CCNE2: variants seen among roughly 807,000 people sequenced by gnomAD.
CCNE2 encodes G1/S-specific cyclin-E2.
CCNE2 carries 18 observed loss-of-function variants against 56.8 expected under a neutral mutation model. The observed-to-expected ratio is 0.32, with a 90% CI of 0.22 to 0.47. The LOEUF is 0.47. Among genes scored for constraint, CCNE2 ranks in the 20% least tolerant of loss-of-function variants. CCNE2 has a pLI of 1.00. For missense variants in CCNE2, 371 were observed against 467.1 expected (o/e 0.79, Z 1.90); for synonymous variants, 139 against 149.2 (o/e 0.93, Z 0.50).
chr8:94,882,667 AT>A (rs918433569), intron 10 of CCNE2, 113 bp downstream of exon 10: 3,807 of 650,816 alleles, frequency 5.8e-3, no homozygotes, highest in South Asian at 7.7e-3. Context: ...TGAACAGCTA[AT>A]TTTTTTTTTG....
At chr8:94,894,520 C>A (rs569840406) in intron 1 of CCNE2, 19 of 429,780 alleles carry the variant, frequency 4.4e-5, no homozygotes, top group Non-Finnish European at 7.5e-5. Flanking sequence ...GGAGGCACAT[C>A]TTCCTCAAAC....
chr8:94,892,851 A>G lies in CCNE2; in HGVS notation c.284T>C (p.Leu95Pro), dbSNP rs995226584. ...SRFTNYRFKNLFINPSPLPDL... is the reference protein window; with the variant it reads ...SRFTNYRFKNPFINPSPLPDL... ...AGGCAAAGGTGAAGGATTAATAAAA[A>G]GATTTTTAAATCTGTAATTTGTAAA... The change falls in exon 5 of 12, where the codon CTT becomes CCT. Residue 95 changes from leucine to proline, a missense_variant. Leu to Pro is a moderately conservative substitution (Grantham distance 98, BLOSUM62 -3). Transcript: ENST00000308108. 6 of 1,477,294 alleles carry G rather than the reference A, an allele frequency of 4.1e-6. No homozygotes were observed. The highest frequency in any genetic ancestry group is 5.5e-6 in the Non-Finnish European group (6 of 1,099,086). The allele number at this position is 1,477,294 out of a possible 1,614,324, so 91.5% of individuals were successfully genotyped here. A position where few individuals can be genotyped will look rare whatever the true frequency, so the allele number is the denominator to read the frequency against.
upstream of CCNE2, among the ~76,000 whole-genome samples, chr8:94,895,443 T>C (rs1289619344): frequency 2.0e-5 from 3 of 152,142 alleles, no homozygotes; most frequent in Admixed American, 1.3e-4. Flanking sequence ...GTAGGGAAAC[T>C]CTCAGGGGCT....
At chr8:94,890,317 TG>T (rs1456820653) in intron 6 of CCNE2, 97 bp downstream of exon 6, 1 of 1,006,584 alleles carries the variant, frequency 9.9e-7, no homozygotes, top group African/African-American at 1.7e-5. Flanking sequence ...TTCCTGGGGA[TG>T]AACAATAAAC....
intron 5 of CCNE2, among the ~76,000 whole-genome samples, chr8:94,890,814 G>A (rs943791926): frequency 2.0e-5 from 3 of 151,774 alleles, no homozygotes; most frequent in Non-Finnish European, 4.4e-5. Context: ...GGCTAGTCTC[G>A]AACTCCTGGC....
intron 4 of CCNE2, 51 bp from the exon 5 acceptor site, chr8:94,893,020 T>C (rs1817301456): frequency 7.2e-7 from 1 of 1,394,474 alleles, no homozygotes; most frequent in African/African-American, 1.5e-5. Context: ...AAACCTTAGT[T>C]TTTGTAATGG....
Position 94,882,205 on chromosome 8 carries a change from A to G in CCNE2, c.1028T>C (p.Leu343Pro). The change falls in exon 11 of 12, where the codon CTG becomes CCG. Residue 343 changes from leucine to proline, a missense_variant. By Grantham distance (98) the Leu-to-Pro change is moderately conservative. Coordinates refer to ENST00000308108, the MANE Select transcript of CCNE2 (RefSeq NM_057749.3). ...CATAGGAATCTTCTTAAAAGTCTTC[A>G]GCTTCACTGGACTAGTACTTTTTAC... ...NVVKSTSPVK[L>P]KTFKKIPMED... The G allele has an allele frequency of 6.2e-7, 1 of 1,613,412 alleles. No individual in the cohort carries two copies. Among genetic ancestry groups the G allele is most frequent in the Non-Finnish European group, 8.5e-7 (1 of 1,179,634 alleles).
intron 4 of CCNE2, 130 bp from the exon 5 acceptor site, chr8:94,893,099 C>T (rs1194888521): frequency 1.5e-6 from 1 of 645,936 alleles, no homozygotes; most frequent in Non-Finnish European, 2.5e-6. Flanking sequence ...GGCAATATAG[C>T]TAATTTGACA....
chr8:94,883,042 G>A (rs369358124), intron 9 of CCNE2, 150 bp from the exon 10 acceptor site: 10 of 490,672 alleles, frequency 2.0e-5, no homozygotes, highest in African/African-American at 6.0e-5. Context: ...TTGGGAGGCC[G>A]AGGCGGGTGG....
intron 11 of CCNE2, 156 bp from the exon 12 acceptor site, chr8:94,881,901 A>G (rs1023132758): frequency 1.3e-4 from 124 of 951,846 alleles, no homozygotes; most frequent in Non-Finnish European, 1.7e-4. Flanking sequence ...GTAACGTTAT[A>G]TATTTTTTAA....
intron 7 of CCNE2, among the ~76,000 whole-genome samples, chr8:94,887,447 G>A (rs1185754552): frequency 1.3e-5 from 2 of 152,090 alleles, no homozygotes; most frequent in Non-Finnish European, 2.9e-5. Context: ...GGAGGTTGCA[G>A]AGAGCCAAGA....
In CCNE2 at chr8:94,880,451, T is replaced by G; in HGVS notation, c.*1181A>C. 1 of 332,626 alleles carries G rather than the reference T, an allele frequency of 3.0e-6. No homozygotes were observed. The allele number at this position is 332,626 out of a possible 1,614,324, so 20.6% of individuals were successfully genotyped here. On this transcript the variant is annotated 3_prime_UTR_variant, in exon 12 of 12. Transcript: ENST00000308108. Reference sequence around the variant, plus strand: ...TCTTCAAAGGGAGAAGAGATTCACATATCTGATAACAAAATAAACTAGCAA... The same window carrying G: ...TCTTCAAAGGGAGAAGAGATTCACAGATCTGATAACAAAATAAACTAGCAA...
At position 94,881,189 on chromosome 8, in the gene CCNE2, A is replaced by G; in HGVS notation, c.*443T>C. The G allele has an allele frequency of 2.6e-6, 1 of 379,904 alleles. No individual in the cohort carries two copies. 23.5% of individuals were successfully genotyped at this position (379,904 alleles called of 1,614,324 possible). A position where few individuals can be genotyped will look rare whatever the true frequency, so the allele number is the denominator to read the frequency against. ...ATTTAATTTTCAAGAACCAAATTGC[A>G]CTAGTCAAGAGTGTAGGAATTTTGA... On this transcript the variant is annotated 3_prime_UTR_variant, in exon 12 of 12. Transcript: ENST00000308108.
intron 4 of CCNE2, 80 bp from the exon 5 acceptor site, chr8:94,893,049 C>G (rs1817302347): frequency 9.2e-7 from 1 of 1,081,384 alleles, no homozygotes; most frequent in African/African-American, 1.7e-5. Flanking sequence ...TAAATGAAAG[C>G]TAATATGTCT....
Position 94,885,049 on chromosome 8 carries a change from C to T in CCNE2, c.831+18G>A, listed in dbSNP as rs991876511. On this transcript the variant is annotated intron_variant, in intron 9 of 11. Coordinates refer to ENST00000308108, the MANE Select transcript of CCNE2 (RefSeq NM_057749.3). ...GTAATTAATAACATTACCATTGAATCAATAAAAATGTCAGTACCTGAGCTA... is the reference window on the plus strand; with the variant it reads ...GTAATTAATAACATTACCATTGAATTAATAAAAATGTCAGTACCTGAGCTA... 5 of 1,607,594 alleles carry T rather than the reference C, an allele frequency of 3.1e-6. No homozygotes were observed. Among genetic ancestry groups the T allele is most frequent in the Non-Finnish European group, 3.4e-6 (4 of 1,175,922 alleles).
intron 5 of CCNE2, 144 bp downstream of exon 5, chr8:94,892,674 C>A (rs1287991283): frequency 4.1e-6 from 2 of 486,978 alleles, no homozygotes; most frequent in Non-Finnish European, 7.1e-6. Flanking sequence ...GCACTACTCT[C>A]AGATAAAATG....
In CCNE2 at chr8:94,880,792, T is replaced by TA. The variant is rs894212839; in HGVS notation, c.*839dup. The TA allele has an allele frequency of 4.0e-5, 16 of 398,446 alleles. No homozygotes were observed. Among genetic ancestry groups the TA allele is most frequent in the Non-Finnish European group, 6.2e-5 (14 of 225,770 alleles). 24.7% of individuals were successfully genotyped at this position (398,446 alleles called of 1,614,324 possible). ...AAAAAAAAATTCCTTAGGGATATCTTAGAGTAGTAAAGTGACTTCCTCATA... is the reference window on the plus strand; with the variant it reads ...AAAAAAAAATTCCTTAGGGATATCTTAAGAGTAGTAAAGTGACTTCCTCATA... On this transcript the variant is annotated 3_prime_UTR_variant, in exon 12 of 12. Transcript: ENST00000308108.
At chr8:94,895,292 C>G, upstream of CCNE2, 1 of 979,686 alleles carries the variant, frequency 1.0e-6, no homozygotes, top group Non-Finnish European at 1.2e-6. Flanking sequence ...ACAGCGCGCT[C>G]CCCTCTCCCG....
At chr8:94,885,391 C>T in intron 8 of CCNE2, 72 bp downstream of exon 8, 1 of 1,112,562 alleles carries the variant, frequency 9.0e-7, no homozygotes, top group Admixed American at 2.1e-5. Context: ...ATTTGAGATT[C>T]AATTATAACT....
Sources: gnomAD v4.1 joint callset for allele counts (sites outside exome capture counted in the v4.1 genomes callset) on GRCh38, gnomAD v4.1.1 for gene constraint, MANE v1.5 for transcripts, NCBI Gene and HGNC (gene_info 2026-07-23, HGNC 2026-07-21) for gene names.